Variants in SLC24A2 observed in about 807,000 individuals in gnomAD.
The protein encoded by SLC24A2 is solute carrier family 24 member 2, also known as sodium/potassium/calcium exchanger 2.
A neutral mutation model predicts 62.0 loss-of-function variants in SLC24A2; 36 were observed. That is an observed-to-expected ratio of 0.58 (90% CI 0.44 to 0.77). SLC24A2 has a LOEUF of 0.77. SLC24A2 is among the 30% of genes least tolerant of loss of function. SLC24A2 has a pLI of 0.00. For missense variants in SLC24A2, 846 were observed against 817.9 expected, an observed-to-expected ratio of 1.03 and a Z score of -0.42; for synonymous variants, 358 against 294.0, an observed-to-expected ratio of 1.22 and a Z score of -2.23.
At chr9:20,084,178 CT>C in the SLC24A2 span, among the ~76,000 whole-genome samples, 1 of 152,206 alleles carries the variant, frequency 6.6e-6, no homozygotes, top group African/African-American at 2.4e-5. Flanking sequence ...CCAAGTTAAA[CT>C]GGTGAGCTTC....
At chr9:19,616,069 G>A (rs1193216094) in intron 4 of SLC24A2, among the ~76,000 whole-genome samples, 2 of 151,224 alleles carry the variant, frequency 1.3e-5, no homozygotes, top group Non-Finnish European at 2.9e-5. Flanking sequence ...TCTAGAAGGA[G>A]CTTCATGAAA....
the SLC24A2 span, among the ~76,000 whole-genome samples, chr9:20,051,014 A>G: frequency 6.6e-6 from 1 of 152,202 alleles, no homozygotes; most frequent in African/African-American, 2.4e-5. Flanking sequence ...GTACATAGTG[A>G]GATGGTAGAT....
the SLC24A2 span, among the ~76,000 whole-genome samples, chr9:19,983,183 A>G: frequency 1.7e-4 from 26 of 152,340 alleles, no homozygotes; most frequent in African/African-American, 5.0e-4. Flanking sequence ...AAAATGAAAT[A>G]AAAGACATCC....
At chr9:20,187,826 C>T in the SLC24A2 span, among the ~76,000 whole-genome samples, 13 of 152,192 alleles carry the variant, frequency 8.5e-5, no homozygotes, top group Non-Finnish European at 1.5e-4. Flanking sequence ...ACCCTTGCTA[C>T]TCAAAGTGTT....
chr9:19,672,323 T>C (rs1178447658), intron 2 of SLC24A2, among the ~76,000 whole-genome samples: 1 of 146,696 alleles, frequency 6.8e-6, no homozygotes, highest in Admixed American at 6.7e-5. Context: ...TTCTAGTTTA[T>C]GCATGTAGAG....
the SLC24A2 span, among the ~76,000 whole-genome samples, chr9:20,282,614 G>A: frequency 6.6e-6 from 1 of 152,104 alleles, no homozygotes; most frequent in Non-Finnish European, 1.5e-5. Context: ...ACATGAATTG[G>A]TATCTTTTCA....
chr9:20,115,316 A>G, the SLC24A2 span, among the ~76,000 whole-genome samples: 1 of 152,104 alleles, frequency 6.6e-6, no homozygotes, highest in Non-Finnish European at 1.5e-5. Context: ...TCCCTGGTTA[A>G]TGGAGATTTC....
chr9:19,516,456 G>C (rs1832933794), intron 10 of SLC24A2, 54 bp from the exon 11 acceptor site: 3 of 1,600,960 alleles, frequency 1.9e-6, no homozygotes, highest in South Asian at 1.1e-5. Flanking sequence ...GGAGTAGTCA[G>C]ACACGTTGAA....
At chr9:19,830,454 A>G in the SLC24A2 span, among the ~76,000 whole-genome samples, 4 of 152,192 alleles carry the variant, frequency 2.6e-5, no homozygotes. Context: ...TAGTAGCTAC[A>G]TTTTACAAAT....
the SLC24A2 span, among the ~76,000 whole-genome samples, chr9:20,230,984 A>G: frequency 6.6e-6 from 1 of 152,180 alleles, no homozygotes; most frequent in Non-Finnish European, 1.5e-5. Flanking sequence ...CATTTATTAA[A>G]TAGGGAATCC....
chr9:19,820,043 ATATATATATATACACATATATATATAT>A, the SLC24A2 span, among the ~76,000 whole-genome samples: 1 of 16,720 alleles, frequency 6.0e-5, no homozygotes, highest in Non-Finnish European at 4.3e-4. Flanking sequence ...ATATATATAC[ATATATATATATACACATATATATATAT>A]ATATATATAT....
At chr9:19,524,785 CCTTTT>C (rs143513217) in intron 9 of SLC24A2, among the ~76,000 whole-genome samples, 1,783 of 152,030 alleles carry the variant, frequency 0.012, 39 homozygotes, top group African/African-American at 0.041. Flanking sequence ...AATTTGTGTT[CCTTTT>C]CTTTGAAAGA....
the SLC24A2 span, among the ~76,000 whole-genome samples, chr9:20,206,897 G>A: frequency 3.9e-4 from 59 of 149,488 alleles, no homozygotes; most frequent in East Asian, 0.011. Flanking sequence ...GGGCGGTTAC[G>A]GATCTTCATA....
the SLC24A2 span, among the ~76,000 whole-genome samples, chr9:20,175,982 G>T: frequency 6.6e-6 from 1 of 152,014 alleles, no homozygotes; most frequent in Non-Finnish European, 1.5e-5. Context: ...AGCTAGGAAG[G>T]ATGTGGAGGA....
At chr9:19,519,336 T>G (rs1432566372) in intron 10 of SLC24A2, among the ~76,000 whole-genome samples, 1 of 143,098 alleles carries the variant, frequency 7.0e-6, no homozygotes, top group Non-Finnish European at 1.5e-5. Flanking sequence ...TGATTTTTTT[T>G]CTTTAAACTT....
chr9:19,509,925 C>A lies in SLC24A2; in HGVS notation c.*6228G>T, dbSNP rs542590173. 1 of 152,280 alleles carries A rather than the reference C, an allele frequency of 6.6e-6. No individual in the cohort carries two copies. Among genetic ancestry groups the A allele is most frequent in the East Asian group, 1.9e-4 (1 of 5,184 alleles). The allele number at this position is 152,280 out of a possible 1,614,324, so 9.4% of individuals were successfully genotyped here. On this transcript the variant is annotated 3_prime_UTR_variant, in exon 11 of 11. Transcript: ENST00000341998. The stretch of plus-strand genomic sequence containing the variant: ...CAATCAGTAGCTTTACAAATCCTAT[C>A]CAACCTACCACACAAAAGGATATAA...
At chr9:19,677,346 A>G (rs977605353) in intron 2 of SLC24A2, among the ~76,000 whole-genome samples, 8 of 152,160 alleles carry the variant, frequency 5.3e-5, no homozygotes, top group Non-Finnish European at 1.0e-4. Flanking sequence ...ACCAAATACC[A>G]CATGTTCTCA....
intron 2 of SLC24A2, among the ~76,000 whole-genome samples, chr9:19,753,674 ACT>A (rs1822051021): frequency 6.6e-6 from 1 of 152,148 alleles, no homozygotes; most frequent in Non-Finnish European, 1.5e-5. Context: ...CACCAAGCAC[ACT>A]GTTGGCCTAC....
chr9:20,156,562 A>G, the SLC24A2 span, among the ~76,000 whole-genome samples: 25 of 151,842 alleles, frequency 1.6e-4, no homozygotes, highest in Middle Eastern at 6.8e-3. Context: ...CAGATCTTTT[A>G]TTCATCAACT....
Sources: gnomAD v4.1 joint callset for allele counts (sites outside exome capture counted in the v4.1 genomes callset) on GRCh38, gnomAD v4.1.1 for gene constraint, MANE v1.5 for transcripts, NCBI Gene and HGNC (gene_info 2026-07-23, HGNC 2026-07-21) for gene names.